The following DPP10 variants were observed in gnomAD, a reference collection of about 807,000 sequenced individuals.
DPP10 encodes inactive dipeptidyl peptidase 10.
In DPP10, 33 loss-of-function variants were observed where a neutral mutation model predicts 120.9. The observed-to-expected ratio is 0.27, with a 90% CI of 0.21 to 0.37. DPP10 has a LOEUF of 0.37. Ranked by LOEUF, DPP10 falls within the 10% of genes least tolerant of loss-of-function variation. The pLI, the probability that DPP10 is intolerant of heterozygous loss-of-function variation, is 1.00. For missense variants in DPP10, 816 were observed against 942.8 expected, an observed-to-expected ratio of 0.87 and a Z score of 1.76; for synonymous variants, 337 against 326.1, an observed-to-expected ratio of 1.03 and a Z score of -0.36.
chr2:115,601,717 C>T (rs72945949), intron 5 of DPP10, among the ~76,000 whole-genome samples: 2,823 of 152,160 alleles, frequency 0.019, 94 homozygotes, highest in African/African-American at 0.064. Flanking sequence ...TCTCTGTTGC[C>T]GGCTGGAGTG....
chr2:115,066,617 C>T (rs991418391), intron 1 of DPP10: 15 of 152,184 alleles, frequency 9.9e-5, no homozygotes, highest in Admixed American at 2.0e-4. Context: ...CAAATTGATT[C>T]TAAATGGCCA....
chr2:114,459,198 C>T (rs1016968800), intron 1 of DPP10, among the ~76,000 whole-genome samples: 2 of 152,200 alleles, frequency 1.3e-5, no homozygotes, highest in Admixed American at 6.5e-5. Context: ...CTATATCATG[C>T]TGTTCTTACC....
At chr2:115,610,511 G>A (rs7578555) in intron 5 of DPP10, among the ~76,000 whole-genome samples, 7,260 of 150,468 alleles carry the variant, frequency 0.048, 330 homozygotes, top group East Asian at 0.24. Context: ...GTGTGTGTGT[G>A]TGTTTTCAAC....
At chr2:114,561,484 A>T (rs927939812) in intron 1 of DPP10, among the ~76,000 whole-genome samples, 8 of 152,062 alleles carry the variant, frequency 5.3e-5, no homozygotes, top group African/African-American at 1.9e-4. Flanking sequence ...CACCACAAAT[A>T]CATGTGCACA....
chr2:114,787,256 C>G (rs1415599357), intron 1 of DPP10, among the ~76,000 whole-genome samples: 1 of 152,122 alleles, frequency 6.6e-6, no homozygotes, highest in African/African-American at 2.4e-5. Flanking sequence ...GAGAGAACAT[C>G]AAGTGCAAAA....
chr2:114,545,695 T>C (rs951129135), intron 1 of DPP10, among the ~76,000 whole-genome samples: 12 of 152,218 alleles, frequency 7.9e-5, no homozygotes, highest in Admixed American at 1.3e-4. Context: ...TAAAGTCTGT[T>C]CTCTATTTTT....
intron 3 of DPP10, among the ~76,000 whole-genome samples, chr2:115,486,062 G>C (rs1426586992): frequency 6.6e-6 from 1 of 152,068 alleles, no homozygotes; most frequent in Admixed American, 6.6e-5. Flanking sequence ...AAAATTATCA[G>C]TTAGTTTCCC....
chr2:114,602,870 A>G (rs751972198), intron 1 of DPP10, among the ~76,000 whole-genome samples: 1 of 152,088 alleles, frequency 6.6e-6, no homozygotes, highest in Non-Finnish European at 1.5e-5. Flanking sequence ...CTTGTGTGGC[A>G]CTTCAGAAAC....
rs118024071 is a variant in DPP10, at chr2:115,428,676, T to C, written c.272-70834T>C. 5.6e-4 allele frequency among the ~76,000 whole-genome samples: 86 copies of C among 152,310 alleles called. 1 individual carries two copies. The East Asian group carries it at 7.0e-3, about 12-fold the overall frequency. On this transcript the variant is annotated intron_variant, in intron 3 of 25. Transcript: ENST00000410059. Reference sequence around the variant, plus strand: ...CAGGCCCCGCCTCCAACGTTGGTGATGTTAGAAATGCTCGTTTCCCAGTGC... The same window carrying C: ...CAGGCCCCGCCTCCAACGTTGGTGACGTTAGAAATGCTCGTTTCCCAGTGC...
intron 2 of DPP10, among the ~76,000 whole-genome samples, chr2:115,330,450 T>C (rs932340789): frequency 3.3e-5 from 5 of 151,898 alleles, no homozygotes; most frequent in African/African-American, 1.2e-4. Context: ...TAGATCCCAT[T>C]TGTCAATTGT....
At chr2:115,194,308 T>A (rs1219963528) in intron 1 of DPP10, among the ~76,000 whole-genome samples, 1 of 152,044 alleles carries the variant, frequency 6.6e-6, no homozygotes, top group Non-Finnish European at 1.5e-5. Flanking sequence ...CACCGCAGCC[T>A]CCGCCTCCCA....
chr2:115,381,144 G>A (rs192938745), intron 3 of DPP10, among the ~76,000 whole-genome samples: 88 of 152,282 alleles, frequency 5.8e-4, no homozygotes, highest in African/African-American at 2.0e-3. Context: ...ATCCTGCAGA[G>A]TATTTTCCAA....
rs201617372 is a variant in DPP10, at chr2:114,773,734, C to A, written c.60+330896C>A. Among the ~76,000 whole-genome samples, 7 of 152,214 alleles carry A rather than the reference C, an allele frequency of 4.6e-5. No individual in the cohort carries two copies. In the East Asian group the frequency reaches 1.4e-3, roughly 29 times the overall value. ...CATGATGTGATTTTAAGAATCTGAA[C>A]TTACTAAGGTCCCTTGAAAGTAACC... On this transcript the variant is annotated intron_variant, in intron 1 of 25. Coordinates refer to ENST00000410059, the MANE Select transcript of DPP10 (RefSeq NM_020868.6).
chr2:114,476,751 T>G (rs767703693), intron 1 of DPP10, among the ~76,000 whole-genome samples: 3 of 152,078 alleles, frequency 2.0e-5, no homozygotes, highest in Non-Finnish European at 2.9e-5. Flanking sequence ...AGTTTAGCAA[T>G]CATACAGAAA....
chr2:115,382,564 C>T (rs924463827), intron 3 of DPP10, among the ~76,000 whole-genome samples: 6 of 152,180 alleles, frequency 3.9e-5, no homozygotes, highest in South Asian at 2.1e-4. Context: ...TGTTCCTATT[C>T]GGCCATCTTC....
Position 115,591,299 on chromosome 2 carries a change from A to G in DPP10, c.441+65327A>G, listed in dbSNP as rs980694831. 3.9e-5 allele frequency among the ~76,000 whole-genome samples: 6 copies of G among 152,264 alleles called. No homozygotes were observed. In the South Asian group the frequency reaches 8.3e-4, roughly 21 times the overall value. On this transcript the variant is annotated intron_variant, in intron 5 of 25. Transcript: ENST00000410059. The stretch of plus-strand genomic sequence containing the variant: ...GTTTTTATGGTTTTAGGTCTAACAT[A>G]TAAGTGTTTAATCCATCTTGAATTA...
At chr2:114,445,534 C>CTGTGTG (rs145248880) in intron 1 of DPP10, among the ~76,000 whole-genome samples, 1,716 of 143,582 alleles carry the variant, frequency 0.012, 15 homozygotes, top group East Asian at 0.023. Flanking sequence ...AAAAACAGCT[C>CTGTGTG]TGTGTGTGTG....
chr2:115,525,035 G>A (rs531088748), intron 4 of DPP10, among the ~76,000 whole-genome samples: 1 of 152,094 alleles, frequency 6.6e-6, no homozygotes, highest in African/African-American at 2.4e-5. Flanking sequence ...GGACTTTATA[G>A]AGAGCAGTCT....
At chr2:115,286,583 A>G (rs2105904008) in intron 1 of DPP10, among the ~76,000 whole-genome samples, 2 of 136,990 alleles carry the variant, frequency 1.5e-5, no homozygotes, top group South Asian at 4.6e-4. Flanking sequence ...GTATTGAAGC[A>G]TTCTTACCAA....
Sources: gnomAD v4.1 joint callset for allele counts (sites outside exome capture counted in the v4.1 genomes callset) on GRCh38, gnomAD v4.1.1 for gene constraint, MANE v1.5 for transcripts, NCBI Gene and HGNC (gene_info 2026-07-23, HGNC 2026-07-21) for gene names.